The following LUZP2 variants were observed in gnomAD, a reference collection of about 807,000 sequenced individuals.
LUZP2 encodes the protein leucine zipper protein 2.
In LUZP2, 52 loss-of-function variants were observed where a neutral mutation model predicts 51.6. The ratio of observed to expected loss-of-function variants is 1.01; its 90% confidence interval spans 0.81 to 1.27. The LOEUF (loss-of-function observed/expected upper bound fraction) is 1.27. Among genes scored for constraint, LUZP2 ranks in the 50% most tolerant of loss-of-function variants. The pLI, the probability that LUZP2 is intolerant of heterozygous loss-of-function variation, is 0.00. For missense variants in LUZP2, 436 were observed against 395.4 expected, an observed-to-expected ratio of 1.10 and a Z score of -0.87; for synonymous variants, 154 against 137.3, an observed-to-expected ratio of 1.12 and a Z score of -0.85.
intron 2 of LUZP2, among the ~76,000 whole-genome samples, chr11:24,731,887 C>T (rs1021895364): frequency 6.6e-6 from 1 of 151,634 alleles, no homozygotes; most frequent in Non-Finnish European, 1.5e-5. Flanking sequence ...GTAGTTTCTC[C>T]TCCATCGAAC....
At chr11:25,026,041 G>A (rs978361836) in intron 9 of LUZP2, among the ~76,000 whole-genome samples, 13 of 150,116 alleles carry the variant, frequency 8.7e-5, no homozygotes, top group African/African-American at 3.2e-4. Flanking sequence ...CTATTGCAAG[G>A]ACAAAAAACC....
intron 1 of LUZP2, among the ~76,000 whole-genome samples, chr11:24,556,366 A>T (rs544948549): frequency 6.6e-6 from 1 of 151,400 alleles, no homozygotes; most frequent in African/African-American, 2.4e-5. Context: ...ATTATTGTCT[A>T]ATAGTTTCCC....
At chr11:25,002,228 T>C (rs1004392801) in intron 9 of LUZP2, among the ~76,000 whole-genome samples, 4 of 152,238 alleles carry the variant, frequency 2.6e-5, no homozygotes, top group Admixed American at 2.0e-4. Flanking sequence ...TATGGTTACA[T>C]CACTAACTAT....
At chr11:24,619,805 T>A (rs1402868187) in intron 1 of LUZP2, among the ~76,000 whole-genome samples, 1 of 152,160 alleles carries the variant, frequency 6.6e-6, no homozygotes, top group Non-Finnish European at 1.5e-5. Flanking sequence ...TAGGGAATAA[T>A]AATAAGAAAA....
intron 5 of LUZP2, among the ~76,000 whole-genome samples, chr11:24,904,368 T>C (rs995948944): frequency 1.3e-5 from 2 of 152,098 alleles, no homozygotes; most frequent in Non-Finnish European, 2.9e-5. Context: ...CTGCAAGCTC[T>C]GCCTCCTGGG....
At chr11:24,607,695 G>C (rs1436519377) in intron 1 of LUZP2, among the ~76,000 whole-genome samples, 3 of 152,000 alleles carry the variant, frequency 2.0e-5, no homozygotes, top group African/African-American at 7.2e-5. Flanking sequence ...GCCTGATAAG[G>C]ATCGCATTGG....
intron 1 of LUZP2, among the ~76,000 whole-genome samples, chr11:24,699,639 A>G (rs1857360272): frequency 6.6e-6 from 1 of 150,382 alleles, no homozygotes; most frequent in Non-Finnish European, 1.5e-5. Flanking sequence ...TGGAGCTAAG[A>G]ACAATAGCCT....
At chr11:24,774,226 A>C (rs1848836836) in intron 5 of LUZP2, among the ~76,000 whole-genome samples, 1 of 151,058 alleles carries the variant, frequency 6.6e-6, no homozygotes, top group South Asian at 2.1e-4. Flanking sequence ...ATTAGACTTC[A>C]AATTCTTCAG....
intron 5 of LUZP2, among the ~76,000 whole-genome samples, chr11:24,881,043 A>C (rs1852450612): frequency 6.6e-6 from 1 of 152,110 alleles, no homozygotes; most frequent in Non-Finnish European, 1.5e-5. Context: ...AGAAGATCTG[A>C]TGTAGGTCAA....
At chr11:24,929,969 TATC>T (rs1369528044) in intron 7 of LUZP2, among the ~76,000 whole-genome samples, 1 of 152,200 alleles carries the variant, frequency 6.6e-6, no homozygotes, top group Non-Finnish European at 1.5e-5. Context: ...CAAGTCCTGT[TATC>T]ATGAGATAAT....
At chr11:25,072,356 T>A (rs551424682) in intron 10 of LUZP2, among the ~76,000 whole-genome samples, 3 of 152,254 alleles carry the variant, frequency 2.0e-5, no homozygotes, top group Admixed American at 2.0e-4. Context: ...TTTCAGTCAG[T>A]GCCTGGCTCA....
At chr11:24,577,100 C>T (rs950703666) in intron 1 of LUZP2, among the ~76,000 whole-genome samples, 1 of 151,638 alleles carries the variant, frequency 6.6e-6, no homozygotes, top group African/African-American at 2.4e-5. Flanking sequence ...CTCTTGAAAT[C>T]ATTAACAATT....
intron 1 of LUZP2, among the ~76,000 whole-genome samples, chr11:24,607,832 T>TA (rs1554962800): frequency 6.6e-6 from 1 of 151,690 alleles, no homozygotes; most frequent in African/African-American, 2.4e-5. Flanking sequence ...CTATTTTATT[T>TA]TTTTTTTTCA....
intron 7 of LUZP2, among the ~76,000 whole-genome samples, chr11:24,935,815 T>C (rs1854570796): frequency 6.6e-6 from 1 of 152,176 alleles, no homozygotes; most frequent in African/African-American, 2.4e-5. Context: ...GAAAGAATGG[T>C]AAAATGGTTA....
At chr11:24,998,461 C>T (rs1441774616) in intron 9 of LUZP2, among the ~76,000 whole-genome samples, 1 of 152,136 alleles carries the variant, frequency 6.6e-6, no homozygotes, top group African/African-American at 2.4e-5. Context: ...GATTTTTGTA[C>T]ATTGATTTTG....
At chr11:24,743,178 T>G (rs1859248881) in intron 4 of LUZP2, among the ~76,000 whole-genome samples, 2 of 152,142 alleles carry the variant, frequency 1.3e-5, no homozygotes, top group South Asian at 4.1e-4. Context: ...AGGGCTCTTT[T>G]TTGTTTCCAT....
intron 5 of LUZP2, among the ~76,000 whole-genome samples, chr11:24,904,405 C>T (rs1331991999): frequency 1.3e-5 from 2 of 152,024 alleles, no homozygotes; most frequent in African/African-American, 4.8e-5. Flanking sequence ...GCCTCAGCCT[C>T]CCGAGTAGCT....
At chr11:24,539,342 A>G (rs74365008) in intron 1 of LUZP2, among the ~76,000 whole-genome samples, 357 of 152,000 alleles carry the variant, frequency 2.3e-3, no homozygotes, top group African/African-American at 8.1e-3. Context: ...TATGTGTGCT[A>G]TCTGTTATAA....
chr11:24,847,827 G>A (rs990229191), intron 5 of LUZP2, among the ~76,000 whole-genome samples: 6 of 152,044 alleles, frequency 3.9e-5, no homozygotes, highest in Non-Finnish European at 8.8e-5. Context: ...TTATTTATAT[G>A]TTACCTAGTG....
Sources: allele counts gnomAD v4.1 joint callset (sites outside exome capture counted in the v4.1 genomes callset), GRCh38; gene constraint gnomAD v4.1.1; transcripts MANE v1.5; gene names NCBI Gene and HGNC (gene_info 2026-07-23, HGNC 2026-07-21).